NOD1: variants seen among roughly 807,000 people sequenced by gnomAD.
The protein encoded by NOD1 is nucleotide-binding oligomerization domain-containing protein 1.
Under a neutral mutation model 81.2 loss-of-function variants are expected in NOD1, and 70 were observed. The ratio of observed to expected loss-of-function variants is 0.86; its 90% CI spans 0.71 to 1.05. The LOEUF (loss-of-function observed/expected upper bound fraction) is 1.05, where lower values mean the gene tolerates loss of function less well. Ranked by LOEUF, NOD1 falls within the 50% of genes least tolerant of loss-of-function variation. NOD1 has a pLI of 0.00. For synonymous variants in NOD1, 508 were observed against 526.9 expected (o/e 0.96, Z 0.49); for missense variants, 1,233 against 1,228.0 (o/e 1.00, Z -0.06).
At position 30,454,521 on chromosome 7, in the gene NOD1, T is replaced by C. The variant is rs183967695; in HGVS notation, c.376+616A>G. Among the ~76,000 whole-genome samples the C allele has an allele frequency of 2.1e-3, 323 of 152,330 alleles. 2 individuals are homozygous for C. The highest frequency in any genetic ancestry group is 7.5e-3 in the African/African-American group (311 of 41,586). ...TGGTGGATACAGCAAAAAATACTTA[T>C]TGAACTAATCAGTTAACTGATGGGG... On this transcript the variant is annotated intron_variant, in intron 5 of 13. Transcript: ENST00000222823.
intron 3 of NOD1, among the ~76,000 whole-genome samples, chr7:30,457,468 T>C (rs1222771939): frequency 2.0e-5 from 3 of 152,014 alleles, no homozygotes; most frequent in African/African-American, 7.2e-5. Flanking sequence ...ACTTTTATCT[T>C]AGATGCATTA....
In NOD1 at chr7:30,436,039, A is replaced by G. The variant is rs559461921; in HGVS notation, c.2580T>C (p.Leu860=). ...ACGTGTTCTGCTGCAGGGCCCTCGCAAGGCTCTTTCCTCCTTCTGTGGAGA... is the reference window on the plus strand; with the variant it reads ...ACGTGTTCTGCTGCAGGGCCCTCGCGAGGCTCTTTCCTCCTTCTGTGGAGA... ...NGISTEGGKS[L]ARALQQNTSL... Residue 860 remains leucine (L), a synonymous_variant, in exon 11 of 14, where the codon CTT becomes CTC. Transcript: ENST00000222823. 2.5e-6 allele frequency: 4 copies of G among 1,614,220 alleles called. No individual in the cohort carries two copies. In the African/African-American group the frequency reaches 4.0e-5, roughly 16 times the overall value.
chr7:30,428,912 A>G (rs1416787899), intron 13 of NOD1, among the ~76,000 whole-genome samples: 1 of 152,240 alleles, frequency 6.6e-6, no homozygotes, highest in Non-Finnish European at 1.5e-5. Flanking sequence ...CAAAGCAGAA[A>G]AAAGAAGTAG....
At chr7:30,468,754 GACC>G (rs1195178992) in intron 1 of NOD1, 10 of 909,338 alleles carry the variant, frequency 1.1e-5, no homozygotes, top group Non-Finnish European at 1.3e-5. Flanking sequence ...CATGAATGGG[GACC>G]ACATCTGAAT....
chr7:30,469,535 C>T (rs903151584), intron 1 of NOD1, among the ~76,000 whole-genome samples: 9 of 152,202 alleles, frequency 5.9e-5, no homozygotes, highest in African/African-American at 2.2e-4. Context: ...CGTCAGCATT[C>T]GGGGTGGGAC....
At chr7:30,469,897 C>T (rs1302724442) in intron 1 of NOD1, among the ~76,000 whole-genome samples, 2 of 152,216 alleles carry the variant, frequency 1.3e-5, no homozygotes, top group African/African-American at 4.8e-5. Flanking sequence ...TTTCCTCCAT[C>T]CCCCCAGCGG....
At chr7:30,473,621 G>C (rs1452206707) in intron 1 of NOD1, among the ~76,000 whole-genome samples, 1 of 152,172 alleles carries the variant, frequency 6.6e-6, no homozygotes, top group Non-Finnish European at 1.5e-5. Context: ...GAAGTGGGAG[G>C]AGGCGACAGG....
At chr7:30,463,212 ACC>A (rs1787330908) in intron 1 of NOD1, among the ~76,000 whole-genome samples, 1 of 152,190 alleles carries the variant, frequency 6.6e-6, no homozygotes, top group Non-Finnish European at 1.5e-5. Flanking sequence ...AAAGTCAGCA[ACC>A]CATATGCTTG....
At chr7:30,470,766 ATTCAT>A (rs999260604) in intron 1 of NOD1, among the ~76,000 whole-genome samples, 1 of 152,156 alleles carries the variant, frequency 6.6e-6, no homozygotes, top group Non-Finnish European at 1.5e-5. Context: ...TGCACTTGAT[ATTCAT>A]CTCTGAGGGG....
At chr7:30,447,905 T>C (rs1014227993) in intron 7 of NOD1, 3 of 194,164 alleles carry the variant, frequency 1.5e-5, no homozygotes, top group Non-Finnish European at 3.2e-5. Flanking sequence ...CGTCATGCCA[T>C]AGCATGCACT....
chr7:30,459,360 CCTT>C (rs1320453320), intron 2 of NOD1, 120 bp from the exon 3 acceptor site: 1 of 152,580 alleles, frequency 6.6e-6, no homozygotes. Flanking sequence ...ACTCTCTGTA[CCTT>C]CTTCTTTTAG....
At chr7:30,475,683 G>A (rs1406760513) in intron 1 of NOD1, among the ~76,000 whole-genome samples, 2 of 152,218 alleles carry the variant, frequency 1.3e-5, no homozygotes, top group Non-Finnish European at 1.5e-5. Flanking sequence ...TGGCATGCCT[G>A]CCTTAGCCAA....
chr7:30,463,460 C>T (rs745726799), intron 1 of NOD1: 13 of 152,356 alleles, frequency 8.5e-5, no homozygotes, highest in South Asian at 2.1e-4. Context: ...GGGTACTAAC[C>T]GAACTATATT....
intron 11 of NOD1, 79 bp downstream of exon 11, chr7:30,435,919 A>G: frequency 1.7e-6 from 2 of 1,176,784 alleles, no homozygotes; most frequent in Non-Finnish European, 2.5e-6. Context: ...GATCACACCA[A>G]TGCACTCAAG....
chr7:30,437,758 G>A, intron 9 of NOD1, 102 bp from the exon 10 acceptor site: 1 of 742,760 alleles, frequency 1.3e-6, no homozygotes. Flanking sequence ...TACTCAACAG[G>A]CAGATGTTTG....
intron 2 of NOD1, among the ~76,000 whole-genome samples, 187 bp downstream of exon 2, chr7:30,459,714 C>T (rs1488659722): frequency 6.6e-6 from 1 of 152,198 alleles, no homozygotes; most frequent in Non-Finnish European, 1.5e-5. Flanking sequence ...AGAATTGAGA[C>T]TTTCTCTTTA....
intron 1 of NOD1, among the ~76,000 whole-genome samples, chr7:30,469,405 A>C (rs1562717728): frequency 1.3e-5 from 2 of 150,474 alleles, no homozygotes; most frequent in African/African-American, 2.5e-5. Context: ...TCCCCTCCCT[A>C]CTCCCTCTTC....
At chr7:30,466,410 G>T (rs957838818) in intron 1 of NOD1, among the ~76,000 whole-genome samples, 4 of 152,172 alleles carry the variant, frequency 2.6e-5, no homozygotes, top group Middle Eastern at 3.4e-3. Flanking sequence ...CAAGATGGGG[G>T]CAGCTGCATC....
At position 30,467,533 on chromosome 7, in the gene NOD1, A is replaced by G. The variant is rs1787821100; in HGVS notation, c.-351-7492T>C. Among the ~76,000 whole-genome samples the G allele has an allele frequency of 6.6e-6, 1 of 152,220 alleles. No individual in the cohort carries two copies. The highest frequency in any genetic ancestry group is 6.5e-5 in the Admixed American group (1 of 15,282). On this transcript the variant is annotated intron_variant, in intron 1 of 13. Transcript: ENST00000222823. The surrounding 1 kb of genome is among the most constrained non-coding windows in gnomAD (Gnocchi z 4.5). Reference sequence around the variant, plus strand: ...CCTAGAGAGAAAATGCTTGGTCTTCATTAAACTAAACGATGGTTCATTAAG... The same window carrying G: ...CCTAGAGAGAAAATGCTTGGTCTTCGTTAAACTAAACGATGGTTCATTAAG...
Sources: allele counts gnomAD v4.1 joint callset (sites outside exome capture counted in the v4.1 genomes callset), GRCh38; gene constraint gnomAD v4.1.1; non-coding constraint Gnocchi (gnomAD v3.1); transcripts MANE v1.5; gene names NCBI Gene and HGNC (gene_info 2026-07-23, HGNC 2026-07-21).